Variants in SMURF2 observed in about 807,000 individuals in gnomAD.
SMURF2 encodes the protein SMAD specific E3 ubiquitin protein ligase 2, also known as E3 ubiquitin-protein ligase SMURF2.
In SMURF2, 48 loss-of-function variants were observed where a neutral mutation model predicts 109.6. The observed-to-expected ratio is 0.44, with a 90% confidence interval of 0.35 to 0.56. The LOEUF is 0.56. Ranked by LOEUF, SMURF2 falls within the 20% of genes least tolerant of loss-of-function variation. The pLI, the probability that SMURF2 is intolerant of heterozygous loss-of-function variation, is 0.01. For missense variants in SMURF2, 575 were observed against 909.0 expected (o/e 0.63, Z 4.72); for synonymous variants, 288 against 317.1 (o/e 0.91, Z 0.97).
intron 1 of SMURF2, among the ~76,000 whole-genome samples, chr17:64,622,021 C>T (rs1428417308): frequency 3.4e-5 from 5 of 147,656 alleles, no homozygotes; most frequent in Non-Finnish European, 7.5e-5. Context: ...CATCGCACCA[C>T]TGCACTCCAG....
Position 64,555,816 on chromosome 17 carries a change from A to G in SMURF2, c.1610+4T>C. The G allele has an allele frequency of 3.1e-6, 5 of 1,596,998 alleles. No homozygotes were observed. Among genetic ancestry groups the G allele is most frequent in the Non-Finnish European group, 4.3e-6 (5 of 1,167,352 alleles). On this transcript the variant is annotated splice_donor_region_variant and intron_variant, in intron 14 of 18. Transcript: ENST00000262435. Reference sequence around the variant, plus strand: ...AATGAAGAGATAGAAGACTCAATACATACAGTATCCACACTAAACTGTTGT... The same window carrying G: ...AATGAAGAGATAGAAGACTCAATACGTACAGTATCCACACTAAACTGTTGT...
In SMURF2 at chr17:64,629,075, A is replaced by G. The variant is rs139618342; in HGVS notation, c.53-22435T>C. Reference sequence around the variant, plus strand: ...AAGACCAAAAGTTTTCTGAGTTTAGAAAACTTTTACATATCTAATACTCCC... The same window carrying G: ...AAGACCAAAAGTTTTCTGAGTTTAGGAAACTTTTACATATCTAATACTCCC... On this transcript the variant is annotated intron_variant, in intron 1 of 18. Transcript: ENST00000262435. Among the ~76,000 whole-genome samples, 176 of 152,298 alleles carry G rather than the reference A, an allele frequency of 1.2e-3. 1 individual carries two copies. Among genetic ancestry groups the G allele is most frequent in the African/African-American group, 4.0e-3 (166 of 41,562 alleles).
intron 1 of SMURF2, among the ~76,000 whole-genome samples, chr17:64,623,029 T>G (rs1970225159): frequency 1.3e-5 from 2 of 152,166 alleles, no homozygotes; most frequent in Non-Finnish European, 2.9e-5. Flanking sequence ...CATTGGGAGC[T>G]CTTTCCATTG....
chr17:64,620,880 G>A (rs1970191889), intron 1 of SMURF2, among the ~76,000 whole-genome samples: 1 of 152,104 alleles, frequency 6.6e-6, no homozygotes, highest in African/African-American at 2.4e-5. Context: ...AAACTAAAAG[G>A]TAAAGGATAC....
intron 9 of SMURF2, among the ~76,000 whole-genome samples, chr17:64,576,529 T>C (rs1333432257): frequency 6.6e-6 from 1 of 151,728 alleles, no homozygotes; most frequent in Non-Finnish European, 1.5e-5. Flanking sequence ...CTGGGTATGG[T>C]GGCAGGTGCC....
At chr17:64,568,308 G>A (rs1199725432) in intron 10 of SMURF2, among the ~76,000 whole-genome samples, 1 of 152,136 alleles carries the variant, frequency 6.6e-6, no homozygotes, top group East Asian at 1.9e-4. Context: ...TGGTTTTTAA[G>A]AAGGTTTACC....
intron 10 of SMURF2, among the ~76,000 whole-genome samples, chr17:64,564,961 G>A (rs553220199): frequency 1.5e-4 from 23 of 152,276 alleles, no homozygotes; most frequent in African/African-American, 5.3e-4. Flanking sequence ...AACTTTTGGG[G>A]GTGGTGAATA....
At chr17:64,644,608 G>A (rs9910611) in intron 1 of SMURF2, among the ~76,000 whole-genome samples, 1,396 of 122,972 alleles carry the variant, frequency 0.011, 16 homozygotes, top group African/African-American at 0.025. Flanking sequence ...AAAAAAAAAA[G>A]AAAAAAAAAA....
chr17:64,644,154 CA>C (rs1170710222), intron 1 of SMURF2, among the ~76,000 whole-genome samples: 8 of 152,034 alleles, frequency 5.3e-5, no homozygotes, highest in Non-Finnish European at 1.2e-4. Flanking sequence ...TACAGGTACG[CA>C]CCACACACCA....
chr17:64,656,765 C>T lies in SMURF2; in HGVS notation c.52+5064G>A, dbSNP rs563472517. ...AAACATTCAAACAAAAAAATCTGAA[C>T]GATGGTTGCTGTTGAATCTGCTTAA... On this transcript the variant is annotated intron_variant, in intron 1 of 18. Coordinates refer to ENST00000262435, the MANE Select transcript of SMURF2 (RefSeq NM_022739.4). 2.8e-4 allele frequency among the ~76,000 whole-genome samples: 42 copies of T among 152,236 alleles called. 1 individual carries two copies. The Middle Eastern group carries it at 0.014, about 49-fold the overall frequency.
At chr17:64,651,657 C>T (rs1970642414) in intron 1 of SMURF2, among the ~76,000 whole-genome samples, 1 of 151,972 alleles carries the variant, frequency 6.6e-6, no homozygotes, top group Admixed American at 6.6e-5. Flanking sequence ...GCAGCAATGG[C>T]TCAGACCTGT....
intron 12 of SMURF2, among the ~76,000 whole-genome samples, chr17:64,559,583 T>C (rs1281221138): frequency 6.6e-6 from 1 of 150,422 alleles, no homozygotes; most frequent in Non-Finnish European, 1.5e-5. Flanking sequence ...CAGAGTGAGA[T>C]TCCATCTCAA....
At chr17:64,599,583 T>C (rs73993989) in intron 2 of SMURF2, among the ~76,000 whole-genome samples, 2 of 152,160 alleles carry the variant, frequency 1.3e-5, no homozygotes, top group Non-Finnish European at 2.9e-5. Flanking sequence ...CATTACAGCC[T>C]GAGCTCCGCC....
chr17:64,620,079 G>A (rs1227587320), intron 1 of SMURF2, among the ~76,000 whole-genome samples: 2 of 152,108 alleles, frequency 1.3e-5, no homozygotes, highest in Admixed American at 6.5e-5. Context: ...GCTGTGAACT[G>A]CACCACGTTT....
At chr17:64,566,561 G>T (rs1362404024) in intron 10 of SMURF2, among the ~76,000 whole-genome samples, 8 of 43,802 alleles carry the variant, frequency 1.8e-4, no homozygotes, top group East Asian at 8.9e-4. Flanking sequence ...AAGCTTTCTG[G>T]TTTTTTTTTT....
At chr17:64,617,069 A>G (rs1555690183) in intron 1 of SMURF2, among the ~76,000 whole-genome samples, 1 of 128,836 alleles carries the variant, frequency 7.8e-6, no homozygotes, top group African/African-American at 3.6e-5. Flanking sequence ...CTTGTCTAAA[A>G]AAAAAAAAAA....
intron 2 of SMURF2, among the ~76,000 whole-genome samples, chr17:64,604,367 A>G (rs1201630188): frequency 6.6e-6 from 1 of 152,192 alleles, no homozygotes; most frequent in Non-Finnish European, 1.5e-5. Flanking sequence ...GCCTACACCC[A>G]TGAAAAAGGG....
Position 64,593,473 on chromosome 17 carries a change from A to T in SMURF2, c.301T>A (p.Ser101Thr). The change falls in exon 4 of 19, where the codon TCC (serine) becomes ACC (threonine). Residue 101 changes from serine (S) to threonine (T), a missense_variant. Around this residue, in one of 5 missense-constraint regions of SMURF2, gnomAD observed 151 missense variants for 178.4 expected, o/e 0.85. Transcript: ENST00000262435. ...TCTTTGAGGCGGTTGATGGCATTGG[A>T]AAGAAGACGAACACAACCGAGAAAT... ...AGFLGCVRLLSNAINRLKDTG... is the reference protein window; with the variant it reads ...AGFLGCVRLLTNAINRLKDTG... 1 of 1,610,470 alleles carries T rather than the reference A, an allele frequency of 6.2e-7. No homozygotes were observed. The highest frequency in any genetic ancestry group is 1.1e-5 in the South Asian group (1 of 90,792).
Position 64,547,617 on chromosome 17 carries a change from C to A in SMURF2, c.2054G>T (p.Gly685Val). ...VTGSSRVPLQ[G>V]FKALQGAAGP... is the part of the protein sequence containing the mutation. ...GCTGTTACCTTGCAATGCTTTGAAGCCCTGCAGAGGCACTCGAGAGGATCC... is the reference window on the plus strand; with the variant it reads ...GCTGTTACCTTGCAATGCTTTGAAGACCTGCAGAGGCACTCGAGAGGATCC... Residue 685 changes from glycine (G) to valine (V), a missense_variant, in exon 17 of 19, where the codon GGC becomes GTC. Transcript: ENST00000262435. The surrounding 1 kb of genome is among the most constrained non-coding windows in gnomAD (Gnocchi z 4.2). 1 of 1,613,914 alleles carries A rather than the reference C, an allele frequency of 6.2e-7. No homozygotes were observed. The highest frequency in any genetic ancestry group is 8.5e-7 in the Non-Finnish European group (1 of 1,180,008).
Sources: gnomAD v4.1 joint callset for allele counts (sites outside exome capture counted in the v4.1 genomes callset) on GRCh38, gnomAD v4.1.1 for gene constraint, gnomAD v4.1.1 regional missense constraint, Gnocchi (gnomAD v3.1) non-coding constraint, MANE v1.5 for transcripts, NCBI Gene and HGNC (gene_info 2026-07-23, HGNC 2026-07-21) for gene names.